The following ROBO2 variants were observed in gnomAD, a reference collection of about 807,000 sequenced individuals.
ROBO2 encodes the protein roundabout homolog 2.
Under a neutral mutation model 160.8 loss-of-function variants are expected in ROBO2, and 53 were observed. The observed-to-expected ratio is 0.33, with a 90% CI of 0.26 to 0.41. ROBO2 has a LOEUF of 0.41. Among genes scored for constraint, ROBO2 ranks in the 10% least tolerant of loss-of-function variants. The probability of loss-of-function intolerance (pLI) is 1.00; values close to 1 mark genes in which losing one functional copy is unlikely to be tolerated. For synonymous variants in ROBO2, 664 were observed against 611.7 expected, an observed-to-expected ratio of 1.09 and a Z score of -1.26; for missense variants, 1,577 against 1,722.4, an observed-to-expected ratio of 0.92 and a Z score of 1.49.
At chr3:77,497,362 T>G (rs1469614304) in intron 5 of ROBO2, among the ~76,000 whole-genome samples, 1 of 152,140 alleles carries the variant, frequency 6.6e-6, no homozygotes, top group East Asian at 1.9e-4. Flanking sequence ...ATGATTATGA[T>G]TTTTGAAGCA....
At chr3:76,744,952 A>G (rs1213872450) in intron 2 of ROBO2, among the ~76,000 whole-genome samples, 1 of 152,122 alleles carries the variant, frequency 6.6e-6, no homozygotes, top group Non-Finnish European at 1.5e-5. Flanking sequence ...TTGTATACTT[A>G]CTTTTAGCTT....
intron 2 of ROBO2, among the ~76,000 whole-genome samples, chr3:76,874,119 T>A (rs532880843): frequency 1.3e-5 from 2 of 152,196 alleles, no homozygotes; most frequent in East Asian, 3.9e-4. Context: ...ACCCTGGGAA[T>A]TTGAGAAAAG....
At chr3:76,688,601 T>TGG (rs577843345) in intron 2 of ROBO2, among the ~76,000 whole-genome samples, 165 of 101,880 alleles carry the variant, frequency 1.6e-3, no homozygotes, top group African/African-American at 6.8e-3. Context: ...GAAATTTTAG[T>TGG]GGTGTGTGTG....
chr3:77,122,594 C>T (rs957803846), intron 2 of ROBO2, among the ~76,000 whole-genome samples: 1 of 152,132 alleles, frequency 6.6e-6, no homozygotes, highest in Admixed American at 6.6e-5. Context: ...TATTATTACA[C>T]TCATAGTAAA....
chr3:76,506,681 G>A (rs2080815319), intron 2 of ROBO2, among the ~76,000 whole-genome samples: 1 of 152,056 alleles, frequency 6.6e-6, no homozygotes, highest in African/African-American at 2.4e-5. Flanking sequence ...CAGACAAGAT[G>A]GTGCTTATGA....
intron 2 of ROBO2, among the ~76,000 whole-genome samples, chr3:77,145,296 C>T (rs1460259943): frequency 3.3e-5 from 5 of 152,022 alleles, no homozygotes; most frequent in African/African-American, 1.2e-4. Flanking sequence ...AATATTGATT[C>T]CTGAGAAACA....
intron 2 of ROBO2, among the ~76,000 whole-genome samples, chr3:77,111,145 A>G (rs1349115644): frequency 2.6e-5 from 4 of 152,146 alleles, no homozygotes; most frequent in South Asian, 2.1e-4. Context: ...TTGTTTATGG[A>G]AAAAAAAGAC....
chr3:77,480,661 G>A (rs1037997125), intron 3 of ROBO2, among the ~76,000 whole-genome samples: 2 of 152,212 alleles, frequency 1.3e-5, no homozygotes, highest in Non-Finnish European at 2.9e-5. Flanking sequence ...TCTCTTAAGT[G>A]TCCAGAATAT....
intron 2 of ROBO2, among the ~76,000 whole-genome samples, chr3:76,232,536 C>A (rs148515568): frequency 4.2e-3 from 632 of 152,226 alleles, no homozygotes; most frequent in East Asian, 0.016. Context: ...AAATTTGATG[C>A]AAAGTTGCAA....
chr3:76,486,929 G>A (rs910704356), intron 2 of ROBO2, among the ~76,000 whole-genome samples: 10 of 152,002 alleles, frequency 6.6e-5, no homozygotes, highest in African/African-American at 2.4e-4. Flanking sequence ...TGTTATAAGG[G>A]AGTAGAACTT....
intron 2 of ROBO2, among the ~76,000 whole-genome samples, chr3:76,850,406 G>A (rs1420486513): frequency 2.0e-5 from 3 of 152,038 alleles, no homozygotes; most frequent in African/African-American, 4.8e-5. Context: ...ACCTTACCTC[G>A]TCTTTGGCCT....
chr3:76,752,314 G>A (rs2060715109), intron 2 of ROBO2, among the ~76,000 whole-genome samples: 1 of 151,794 alleles, frequency 6.6e-6, no homozygotes, highest in South Asian at 2.1e-4. Flanking sequence ...GGGAGGGATA[G>A]CATTAGGAGA....
chr3:76,562,318 G>T (rs969010348), intron 2 of ROBO2, among the ~76,000 whole-genome samples: 1 of 151,926 alleles, frequency 6.6e-6, no homozygotes, highest in Admixed American at 6.6e-5. Flanking sequence ...ATAGCAGATA[G>T]TAACAGCCAA....
At chr3:76,659,569 T>C (rs2091731660) in intron 2 of ROBO2, among the ~76,000 whole-genome samples, 1 of 152,106 alleles carries the variant, frequency 6.6e-6, no homozygotes, top group South Asian at 2.1e-4. Flanking sequence ...CTTTCTTCCA[T>C]TTCCTGTGTT....
chr3:76,517,610 T>G (rs2081405099), intron 2 of ROBO2, among the ~76,000 whole-genome samples: 1 of 152,196 alleles, frequency 6.6e-6, no homozygotes, highest in South Asian at 2.1e-4. Context: ...CTAAGTATGT[T>G]ATATCAATTA....
At chr3:76,619,836 T>C (rs922395365) in intron 2 of ROBO2, among the ~76,000 whole-genome samples, 4 of 151,240 alleles carry the variant, frequency 2.6e-5, no homozygotes, top group Non-Finnish European at 4.4e-5. Flanking sequence ...CAGTGGCTAT[T>C]TACTTTGTGA....
rs1434377661 is a variant in ROBO2, at chr3:76,408,028, G to C, written c.109+470426G>C. On this transcript the variant is annotated intron_variant, in intron 2 of 26. Transcript: ENST00000487694. ...AAGACAATTTTTCTTCTTCCAGTGG[G>C]GCCCAGGGAAGCCAAAGATTGAACA... Among the ~76,000 whole-genome samples the C allele has an allele frequency of 2.0e-5, 3 of 151,726 alleles. No individual in the cohort carries two copies. The East Asian group carries it at 5.8e-4, about 29-fold the overall frequency.
chr3:77,114,735 C>G (rs34211057), intron 2 of ROBO2, among the ~76,000 whole-genome samples: 34,119 of 151,990 alleles, frequency 0.22, 4,854 homozygotes, highest in African/African-American at 0.4. Flanking sequence ...AAATTATTTT[C>G]TTCCTTTAAA....
At chr3:76,077,014 T>A (rs1420735014) in intron 2 of ROBO2, among the ~76,000 whole-genome samples, 9 of 152,224 alleles carry the variant, frequency 5.9e-5, no homozygotes. Flanking sequence ...ACTTCTCTAC[T>A]GCAACATTTT....
Sources: allele counts gnomAD v4.1 joint callset (sites outside exome capture counted in the v4.1 genomes callset), GRCh38; gene constraint gnomAD v4.1.1; transcripts MANE v1.5; gene names NCBI Gene and HGNC (gene_info 2026-07-23, HGNC 2026-07-21).